The following LRP2 variants were observed in gnomAD, a reference collection of about 807,000 sequenced individuals.
LRP2 encodes the protein LDL receptor related protein 2.
LRP2 carries 172 observed loss-of-function variants against 531.0 expected under a neutral mutation model. The ratio of observed to expected loss-of-function variants is 0.32; its 90% CI spans 0.29 to 0.37. The LOEUF (loss-of-function observed/expected upper bound fraction) is 0.37. Ranked by LOEUF, LRP2 falls within the 10% of genes least tolerant of loss-of-function variation. The probability of loss-of-function intolerance (pLI) is 1.00; values close to 1 mark genes in which losing one functional copy is unlikely to be tolerated. For missense variants in LRP2, 5,167 were observed against 5,868.3 expected, an observed-to-expected ratio of 0.88 and a Z score of 3.90; for synonymous variants, 1,992 against 2,027.6, an observed-to-expected ratio of 0.98 and a Z score of 0.47.
chr2:169,338,401 AAAG>A (rs529650601), intron 1 of LRP2, among the ~76,000 whole-genome samples: 5,878 of 128,958 alleles, frequency 0.046, 123 homozygotes, highest in African/African-American at 0.059. Context: ...AGAAAGAAAG[AAAG>A]AAAGAAAAGA....
chr2:169,197,159 G>A (rs966958536), intron 45 of LRP2, 129 bp from the exon 46 acceptor site: 1 of 1,117,954 alleles, frequency 8.9e-7, no homozygotes, highest in Non-Finnish European at 1.3e-6. Flanking sequence ...CTGGAAAATG[G>A]ATGCTTGTGT....
intron 7 of LRP2, 87 bp from the exon 8 acceptor site, chr2:169,291,084 C>A: frequency 8.7e-7 from 1 of 1,154,474 alleles, no homozygotes; most frequent in Non-Finnish European, 1.3e-6. Flanking sequence ...GGATGTAGAG[C>A]AAGTTGAACA....
chr2:169,199,977 G>A (rs775077513), intron 44 of LRP2, among the ~76,000 whole-genome samples: 1 of 152,180 alleles, frequency 6.6e-6, no homozygotes, highest in Non-Finnish European at 1.5e-5. Context: ...CTGGCCGGGT[G>A]CAGTGGCTCA....
At chr2:169,258,552 T>A (rs1690407624) in intron 17 of LRP2, among the ~76,000 whole-genome samples, 1 of 152,150 alleles carries the variant, frequency 6.6e-6, no homozygotes, top group Non-Finnish European at 1.5e-5. Flanking sequence ...CTGTCTTTCC[T>A]TGTCTGGCAC....
chr2:169,289,618 G>A (rs1022441052), intron 8 of LRP2, among the ~76,000 whole-genome samples: 8 of 151,884 alleles, frequency 5.3e-5, no homozygotes, highest in Non-Finnish European at 8.8e-5. Flanking sequence ...GCAAGTATAA[G>A]TCATTAAAAG....
At chr2:169,317,368 C>T (rs1287057041) in intron 3 of LRP2, among the ~76,000 whole-genome samples, 2 of 152,134 alleles carry the variant, frequency 1.3e-5, no homozygotes, top group Non-Finnish European at 2.9e-5. Flanking sequence ...ATCATTTATG[C>T]ATTTAGTATC....
Position 169,165,977 on chromosome 2 carries a change from C to A in LRP2, c.11713G>T (p.Gly3905Cys). The change falls in exon 62 of 79, where the codon GGT (glycine) becomes TGT (cysteine). Residue 3905 changes from glycine (G) to cysteine (C), a missense_variant. Gly to Cys is a radical substitution (Grantham distance 159, BLOSUM62 -3). Around this residue, in one of 6 missense-constraint regions of LRP2, gnomAD observed 564 missense variants for 747.7 expected, o/e 0.75. Transcript: ENST00000649046. ...GTTCCATCTCCACAGTCATCCACAC[C>A]ATTGCACACCTCATGACTATAAATG... ...RCIYSHEVCN[G>C]VDDCGDGTDE... 1 of 1,614,018 alleles carries A rather than the reference C, an allele frequency of 6.2e-7. No homozygotes were observed. Among genetic ancestry groups the A allele is most frequent in the Non-Finnish European group, 8.5e-7 (1 of 1,179,902 alleles).
At chr2:169,141,354 C>G (rs1278069233) in intron 71 of LRP2, among the ~76,000 whole-genome samples, 1 of 152,116 alleles carries the variant, frequency 6.6e-6, no homozygotes, top group African/African-American at 2.4e-5. Context: ...ATAGTACCAC[C>G]TGAACTACCA....
At chr2:169,256,282 G>A in intron 18 of LRP2, 46 bp from the exon 19 acceptor site, 1 of 1,571,662 alleles carries the variant, frequency 6.4e-7, no homozygotes, top group Middle Eastern at 1.7e-4. Context: ...AAAACTATCA[G>A]AGCACCCTTT....
chr2:169,283,196 T>C (rs1213159339), intron 9 of LRP2, among the ~76,000 whole-genome samples, 195 bp from the exon 10 acceptor site: 1 of 152,186 alleles, frequency 6.6e-6, no homozygotes, highest in Non-Finnish European at 1.5e-5. Context: ...TTTACATCAT[T>C]TTTTAAACCT....
At chr2:169,132,420 T>C (rs929326748) in intron 77 of LRP2, among the ~76,000 whole-genome samples, 154 bp downstream of exon 77, 3 of 152,256 alleles carry the variant, frequency 2.0e-5, no homozygotes. Context: ...TTTCAATCTA[T>C]GACTTTTTAA....
At chr2:169,356,052 G>A (rs1214370319) in intron 1 of LRP2, among the ~76,000 whole-genome samples, 1 of 151,918 alleles carries the variant, frequency 6.6e-6, no homozygotes, top group Non-Finnish European at 1.5e-5. Flanking sequence ...CACCATTCCT[G>A]GCTAATTTTT....
intron 63 of LRP2, among the ~76,000 whole-genome samples, chr2:169,158,061 T>TAC (rs61381788): frequency 0.33 from 46,601 of 141,124 alleles, 7,767 homozygotes; most frequent in Non-Finnish European, 0.39. Flanking sequence ...ATTGATTATA[T>TAC]ACACACACAC....
intron 1 of LRP2, 56 bp from the exon 2 acceptor site, chr2:169,320,940 G>T: frequency 1.6e-6 from 2 of 1,231,728 alleles, no homozygotes; most frequent in Non-Finnish European, 2.4e-6. Context: ...TTTAACCGAA[G>T]AAATATAAAT....
At chr2:169,229,284 A>G (rs1487406839) in intron 31 of LRP2, among the ~76,000 whole-genome samples, 2 of 152,168 alleles carry the variant, frequency 1.3e-5, no homozygotes, top group African/African-American at 2.4e-5. Context: ...TCATAATCCC[A>G]TTAATGTTAG....
intron 17 of LRP2, among the ~76,000 whole-genome samples, chr2:169,257,831 A>C (rs7594986): frequency 0.086 from 12,707 of 148,300 alleles, 594 homozygotes; most frequent in African/African-American, 0.12. Flanking sequence ...AAAACAAAAA[A>C]AAAAAACACA....
chr2:169,288,187 GA>G (rs1304846181), intron 9 of LRP2, among the ~76,000 whole-genome samples: 3 of 151,956 alleles, frequency 2.0e-5, no homozygotes, highest in Non-Finnish European at 2.9e-5. Context: ...AAATCAGATA[GA>G]AGGAAAAAAG....
chr2:169,156,514 C>G, intron 64 of LRP2, 109 bp from the exon 65 acceptor site: 3 of 1,213,052 alleles, frequency 2.5e-6, no homozygotes, highest in Admixed American at 1.7e-5. Flanking sequence ...GAGAAGGGTA[C>G]AGATGAAAAT....
Position 169,207,016 on chromosome 2 carries a change from G to A in LRP2, c.6704C>T (p.Thr2235Ile), listed in dbSNP as rs766668264. The change falls in exon 39 of 79, where the codon ACA becomes ATA. Residue 2235 changes from threonine (T) to isoleucine (I), a missense_variant. Physicochemically the swap from Thr to Ile is moderately conservative, Grantham distance 89 (BLOSUM62 -1). Around this residue, in one of 6 missense-constraint regions of LRP2, gnomAD observed 2,811 missense variants for 3,058.0 expected, o/e 0.92. Transcript: ENST00000649046. ...TCGGTCCACTGCCAAGCCCCGTGGT[G>A]TGACAATGCCCTCTGACACAAGCAC... is the stretch of plus-strand genomic sequence containing the variant. ...RTVLVSEGIVTPRGLAVDRSD... is the reference protein window; with the variant it reads ...RTVLVSEGIVIPRGLAVDRSD... 3.1e-6 allele frequency: 5 copies of A among 1,614,104 alleles called. No individual in the cohort carries two copies. The highest frequency in any genetic ancestry group is 1.1e-5 in the South Asian group (1 of 91,086).
Sources: gnomAD v4.1 joint callset for allele counts (sites outside exome capture counted in the v4.1 genomes callset) on GRCh38, gnomAD v4.1.1 for gene constraint, gnomAD v4.1.1 regional missense constraint, MANE v1.5 for transcripts, NCBI Gene and HGNC (gene_info 2026-07-23, HGNC 2026-07-21) for gene names.